Variants in STX17 observed in about 807,000 individuals in gnomAD.
STX17 encodes syntaxin-17.
In STX17, 29 loss-of-function variants were observed where a neutral mutation model predicts 35.9. The observed-to-expected ratio is 0.81, with a 90% confidence interval of 0.60 to 1.10. The LOEUF (loss-of-function observed/expected upper bound fraction) is 1.10. STX17 is among the 50% of genes least tolerant of loss of function. STX17 has a pLI of 0.00. For synonymous variants in STX17, 92 were observed against 118.3 expected (o/e 0.78, Z 1.44); for missense variants, 312 against 352.3 (o/e 0.89, Z 0.92).
intron 6 of STX17, among the ~76,000 whole-genome samples, chr9:99,966,291 A>G (rs1287101280): frequency 2.0e-5 from 3 of 152,256 alleles, no homozygotes; most frequent in African/African-American, 7.2e-5. Context: ...ATGTCAAGAT[A>G]GTGGTGGAGA....
chr9:99,939,660 C>T (rs1314756475), intron 3 of STX17, among the ~76,000 whole-genome samples: 1 of 152,084 alleles, frequency 6.6e-6, no homozygotes, highest in Non-Finnish European at 1.5e-5. Flanking sequence ...TCTGTTCTTC[C>T]TATTTAGTGT....
intron 2 of STX17, among the ~76,000 whole-genome samples, chr9:99,927,557 C>A (rs1451814393): frequency 6.6e-6 from 1 of 152,114 alleles, no homozygotes; most frequent in Non-Finnish European, 1.5e-5. Context: ...CTCACTGCAA[C>A]CTCCACCTCC....
At chr9:99,927,762 C>T (rs1402764293) in intron 2 of STX17, among the ~76,000 whole-genome samples, 1 of 152,188 alleles carries the variant, frequency 6.6e-6, no homozygotes, top group East Asian at 1.9e-4. Context: ...TGGGCATGAG[C>T]CACCGCGCCT....
rs1348628416 is a variant in STX17 at position 99,970,870 on chromosome 9, G to A, written c.*2197G>A. Reference sequence around the variant, plus strand: ...AGGCCTGTATTTGAAGCTCACACTTGGTATTGGTATCTCTCATTTTTACTG... The same window carrying A: ...AGGCCTGTATTTGAAGCTCACACTTAGTATTGGTATCTCTCATTTTTACTG... On this transcript the variant is annotated 3_prime_UTR_variant, in exon 8 of 8. Coordinates refer to ENST00000259400, the MANE Select transcript of STX17 (RefSeq NM_017919.3). 6.6e-6 allele frequency among the ~76,000 whole-genome samples: 1 copy of A among 152,088 alleles called. No individual in the cohort carries two copies. Among genetic ancestry groups the A allele is most frequent in the South Asian group, 2.1e-4 (1 of 4,824 alleles).
In STX17 at chr9:99,911,935, T is replaced by A. The variant is rs568222048; in HGVS notation, c.-62-3243T>A. On this transcript the variant is annotated intron_variant, in intron 1 of 7. Coordinates refer to ENST00000259400, the MANE Select transcript of STX17 (RefSeq NM_017919.3). ...CATTCCCACCAACAGTGTATAAGAG[T>A]CCTCTTTCTCGCCAGGCGTCGTGGC... 6.0e-4 allele frequency among the ~76,000 whole-genome samples: 91 copies of A among 152,136 alleles called. No individual in the cohort carries two copies. In the South Asian group the frequency reaches 0.018, roughly 31 times the overall value.
chr9:99,954,379 G>A lies in STX17; in HGVS notation c.415+3094G>A, dbSNP rs140174550. On this transcript the variant is annotated intron_variant, in intron 4 of 7. Coordinates refer to ENST00000259400, the MANE Select transcript of STX17 (RefSeq NM_017919.3). ...AATTAAAAAACTACTGTCTCACCAAGTGCCTGAGTATTTCGCCAAGTGTGA... is the reference window on the plus strand; with the variant it reads ...AATTAAAAAACTACTGTCTCACCAAATGCCTGAGTATTTCGCCAAGTGTGA... Among the ~76,000 whole-genome samples the A allele has an allele frequency of 7.5e-3, 1,148 of 152,084 alleles. 15 individuals are homozygous for A. Among genetic ancestry groups the A allele is most frequent in the African/African-American group, 0.026 (1,097 of 41,518 alleles).
At chr9:99,923,936 A>G (rs796230674) in intron 2 of STX17, among the ~76,000 whole-genome samples, 5 of 152,334 alleles carry the variant, frequency 3.3e-5, no homozygotes, top group East Asian at 1.9e-4. Context: ...ACCACCCTTC[A>G]GGAACCTCCA....
At chr9:99,961,748 C>G (rs1829830024) in intron 6 of STX17, among the ~76,000 whole-genome samples, 2 of 152,044 alleles carry the variant, frequency 1.3e-5, no homozygotes, top group Admixed American at 1.3e-4. Flanking sequence ...TCCTAGATCA[C>G]ACAATCAGAA....
chr9:99,952,099 C>T (rs1829612481), intron 4 of STX17, among the ~76,000 whole-genome samples: 1 of 151,960 alleles, frequency 6.6e-6, no homozygotes, highest in Non-Finnish European at 1.5e-5. Context: ...AGTAACTTGT[C>T]TCATCTTGTT....
chr9:99,919,521 C>T (rs1442384160), intron 2 of STX17, among the ~76,000 whole-genome samples: 1 of 152,178 alleles, frequency 6.6e-6, no homozygotes, highest in Non-Finnish European at 1.5e-5. Flanking sequence ...CTCTTTCTAG[C>T]TTCCAAAGTG....
At chr9:99,923,755 G>A (rs1422099601) in intron 2 of STX17, among the ~76,000 whole-genome samples, 2 of 152,194 alleles carry the variant, frequency 1.3e-5, no homozygotes, top group Non-Finnish European at 2.9e-5. Flanking sequence ...TCAAGTTGGA[G>A]TTCCCACGAT....
chr9:99,928,767 CTTTT>C lies in STX17; in HGVS notation c.124-10_124-7del, dbSNP rs756238417. 10 of 1,524,648 alleles carry C rather than the reference CTTTT, an allele frequency of 6.6e-6. No homozygotes were observed. Among genetic ancestry groups the C allele is most frequent in the Non-Finnish European group, 6.3e-6 (7 of 1,103,026 alleles). 94.4% of individuals were successfully genotyped at this position (1,524,648 alleles called of 1,614,324 possible). A position where few individuals can be genotyped will look rare whatever the true frequency, so the allele number is the denominator to read the frequency against. ...GAAAAATTTAATACCTCCCTTCTTT[CTTTT>C]ATATAGTATCAAAGGTGCAGAATCT... On this transcript the variant is annotated splice_region_variant and splice_polypyrimidine_tract_variant and intron_variant, in intron 2 of 7. Coordinates refer to ENST00000259400, the MANE Select transcript of STX17 (RefSeq NM_017919.3).
intron 6 of STX17, 58 bp downstream of exon 6, chr9:99,960,213 T>C: frequency 6.7e-7 from 1 of 1,492,252 alleles, no homozygotes; most frequent in South Asian, 1.2e-5. Flanking sequence ...GAGAAGCTTT[T>C]ATAATCACTA....
intron 3 of STX17, among the ~76,000 whole-genome samples, chr9:99,942,182 A>G (rs1265070061): frequency 1.3e-5 from 2 of 152,198 alleles, no homozygotes; most frequent in Admixed American, 6.5e-5. Flanking sequence ...GGGTAAGTTA[A>G]TTGTGGTTTT....
chr9:99,924,035 C>T (rs191112374), intron 2 of STX17, among the ~76,000 whole-genome samples: 63 of 152,292 alleles, frequency 4.1e-4, no homozygotes, highest in African/African-American at 1.5e-3. Flanking sequence ...GAAGCATAGA[C>T]AACCATGTCA....
intron 4 of STX17, chr9:99,953,945 T>C (rs2118496193): frequency 6.6e-6 from 1 of 152,158 alleles, no homozygotes; most frequent in East Asian, 1.9e-4. Context: ...TTATTATTAA[T>C]AGAAAAAGGC....
intron 3 of STX17, among the ~76,000 whole-genome samples, chr9:99,948,239 C>A (rs1829522965): frequency 6.6e-6 from 1 of 151,854 alleles, no homozygotes; most frequent in African/African-American, 2.4e-5. Context: ...AAAATATATA[C>A]CAGATTTCTA....
intron 6 of STX17, among the ~76,000 whole-genome samples, chr9:99,966,513 G>C (rs184812250): frequency 2.0e-5 from 3 of 151,936 alleles, no homozygotes; most frequent in Admixed American, 1.3e-4. Flanking sequence ...ATTATATAAG[G>C]GCAATCAAAC....
At chr9:99,931,436 G>T (rs1363657643) in intron 3 of STX17, among the ~76,000 whole-genome samples, 1 of 151,092 alleles carries the variant, frequency 6.6e-6, no homozygotes, top group Non-Finnish European at 1.5e-5. Flanking sequence ...TTAGTTCTGG[G>T]TAATTTTCTT....
Sources: gnomAD v4.1 joint callset for allele counts (sites outside exome capture counted in the v4.1 genomes callset) on GRCh38, gnomAD v4.1.1 for gene constraint, MANE v1.5 for transcripts, NCBI Gene and HGNC (gene_info 2026-07-23, HGNC 2026-07-21) for gene names.